The following KCNK13 variants were observed in gnomAD, a reference collection of about 807,000 sequenced individuals.
KCNK13 encodes potassium channel subfamily K member 13.
In KCNK13, 12 loss-of-function variants were observed where a neutral mutation model predicts 23.4. The observed-to-expected ratio is 0.51, with a 90% confidence interval of 0.33 to 0.83. The LOEUF (loss-of-function observed/expected upper bound fraction) is 0.83, where lower values mean the gene tolerates loss of function less well. Ranked by LOEUF, KCNK13 falls within the 40% of genes least tolerant of loss-of-function variation. KCNK13 has a pLI of 0.02. For missense variants in KCNK13, 463 were observed against 556.3 expected (o/e 0.83, Z 1.69); for synonymous variants, 231 against 229.5 (o/e 1.01, Z -0.06).
At position 90,143,853 on chromosome 14, in the gene KCNK13, G is replaced by A. The variant is rs146292632; in HGVS notation, c.335-40258G>A. 2.7e-3 allele frequency among the ~76,000 whole-genome samples: 412 copies of A among 152,264 alleles called. 4 individuals carry two copies. The highest frequency in any genetic ancestry group is 9.2e-3 in the African/African-American group (383 of 41,556). The stretch of plus-strand genomic sequence containing the variant: ...TTGAACATAATTTTGACAGTTGGCC[G>A]CCTGCAACTGACTGACACTAGACTG... On this transcript the variant is annotated intron_variant, in intron 1 of 1. Coordinates refer to ENST00000282146, the MANE Select transcript of KCNK13 (RefSeq NM_022054.4).
intron 1 of KCNK13, among the ~76,000 whole-genome samples, chr14:90,113,751 G>A (rs1889642145): frequency 6.6e-6 from 1 of 152,090 alleles, no homozygotes; most frequent in Non-Finnish European, 1.5e-5. Context: ...TGAACAACAT[G>A]GTGAAACCCT....
intron 1 of KCNK13, among the ~76,000 whole-genome samples, chr14:90,151,415 T>C (rs531734844): frequency 4.9e-4 from 74 of 152,320 alleles, no homozygotes; most frequent in African/African-American, 1.7e-3. Flanking sequence ...CATGTAACTC[T>C]TGGTGATTTC....
At chr14:90,162,248 G>T (rs958832480) in intron 1 of KCNK13, among the ~76,000 whole-genome samples, 1 of 152,118 alleles carries the variant, frequency 6.6e-6, no homozygotes, top group Non-Finnish European at 1.5e-5. Context: ...CCCAGCATAG[G>T]CAATGGATCA....
chr14:90,161,337 C>T (rs1270161789), intron 1 of KCNK13, among the ~76,000 whole-genome samples: 3 of 152,154 alleles, frequency 2.0e-5, no homozygotes, highest in African/African-American at 7.2e-5. Context: ...CACAGAGACT[C>T]TGGGATAATG....
chr14:90,147,452 C>A (rs936291844), intron 1 of KCNK13, among the ~76,000 whole-genome samples: 4 of 151,886 alleles, frequency 2.6e-5, no homozygotes, highest in African/African-American at 7.3e-5. Flanking sequence ...TCTTTCCCTC[C>A]TGGTTTGTGA....
chr14:90,142,144 C>T (rs1463919375), intron 1 of KCNK13, among the ~76,000 whole-genome samples: 1 of 151,926 alleles, frequency 6.6e-6, no homozygotes, highest in African/African-American at 2.4e-5. Flanking sequence ...TAGCGATCTG[C>T]TCTCTGTCAC....
At chr14:90,063,878 G>A (rs1458048993) in intron 1 of KCNK13, among the ~76,000 whole-genome samples, 2 of 152,170 alleles carry the variant, frequency 1.3e-5, no homozygotes, top group African/African-American at 2.4e-5. Context: ...GTATGATTAG[G>A]GACACACCGG....
At chr14:90,139,792 T>G (rs111792655) in intron 1 of KCNK13, among the ~76,000 whole-genome samples, 24,553 of 151,756 alleles carry the variant, frequency 0.16, 2,258 homozygotes, top group South Asian at 0.29. Context: ...CAAAATCCCA[T>G]CTCCACTAAA....
intron 1 of KCNK13, among the ~76,000 whole-genome samples, chr14:90,091,163 T>TA (rs1172158886): frequency 6.6e-6 from 1 of 152,280 alleles, no homozygotes; most frequent in South Asian, 2.1e-4. Flanking sequence ...AAGAAAGAGT[T>TA]AGAGGGCCCC....
At chr14:90,142,349 CG>C (rs1370270841) in intron 1 of KCNK13, among the ~76,000 whole-genome samples, 1 of 108,106 alleles carries the variant, frequency 9.3e-6, no homozygotes, top group African/African-American at 3.7e-5. Context: ...GACGGAGTCT[CG>C]GTCTGTCACC....
chr14:90,093,001 C>G (rs1021230112), intron 1 of KCNK13, among the ~76,000 whole-genome samples: 1 of 150,990 alleles, frequency 6.6e-6, no homozygotes, highest in South Asian at 2.1e-4. Flanking sequence ...CCTTAATTTG[C>G]GCTGGGTGCT....
At chr14:90,063,485 A>C (rs948829542) in intron 1 of KCNK13, among the ~76,000 whole-genome samples, 2 of 152,154 alleles carry the variant, frequency 1.3e-5, no homozygotes, top group Non-Finnish European at 2.9e-5. Flanking sequence ...GGGTTAGGGA[A>C]GATGCTGTAG....
In KCNK13 at chr14:90,129,319, C is replaced by T. The variant is rs75053507; in HGVS notation, c.335-54792C>T. Among the ~76,000 whole-genome samples, 1,028 of 152,224 alleles carry T rather than the reference C, an allele frequency of 6.8e-3. 14 individuals carry two copies. Among genetic ancestry groups the T allele is most frequent in the African/African-American group, 0.024 (995 of 41,542 alleles). On this transcript the variant is annotated intron_variant, in intron 1 of 1. Coordinates refer to ENST00000282146, the MANE Select transcript of KCNK13 (RefSeq NM_022054.4). ...TGTGATCAATGGCATAGTGAACACTCTTGGCAGATGTCTCCTAGAGGCACA... is the reference window on the plus strand; with the variant it reads ...TGTGATCAATGGCATAGTGAACACTTTTGGCAGATGTCTCCTAGAGGCACA...
At chr14:90,107,947 G>C (rs910838765) in intron 1 of KCNK13, 5 of 740,358 alleles carry the variant, frequency 6.8e-6, no homozygotes, top group African/African-American at 5.2e-5. Flanking sequence ...CTATGCAATA[G>C]AGTGGGGAAC....
chr14:90,182,402 C>T (rs994069841), intron 1 of KCNK13, among the ~76,000 whole-genome samples: 23 of 152,096 alleles, frequency 1.5e-4, no homozygotes, highest in African/African-American at 5.6e-4. Flanking sequence ...AGCCGTTGAC[C>T]GAGCTGTAGC....
intron 1 of KCNK13, among the ~76,000 whole-genome samples, chr14:90,078,574 AAG>A (rs537271592): frequency 1.8e-4 from 27 of 150,044 alleles, no homozygotes; most frequent in Middle Eastern, 3.4e-3. Context: ...AGAAGGAAGG[AAG>A]AGAGAGAGAG....
intron 1 of KCNK13, among the ~76,000 whole-genome samples, chr14:90,152,076 C>T (rs1223215922): frequency 1.3e-5 from 2 of 152,160 alleles, no homozygotes; most frequent in Non-Finnish European, 2.9e-5. Context: ...AATTGTAACA[C>T]CCATAATCCT....
chr14:90,107,266 T>A (rs1889555645), intron 1 of KCNK13, among the ~76,000 whole-genome samples: 1 of 151,906 alleles, frequency 6.6e-6, no homozygotes, highest in South Asian at 2.1e-4. Flanking sequence ...GATCACGAGG[T>A]CAGGAGATTG....
chr14:90,092,773 C>A (rs549494786), intron 1 of KCNK13, among the ~76,000 whole-genome samples: 4 of 151,814 alleles, frequency 2.6e-5, no homozygotes. Context: ...ATTAGCTGGG[C>A]CTGATGGTGC....
Sources: allele counts gnomAD v4.1 joint callset (sites outside exome capture counted in the v4.1 genomes callset), GRCh38; gene constraint gnomAD v4.1.1; transcripts MANE v1.5; gene names NCBI Gene and HGNC (gene_info 2026-07-23, HGNC 2026-07-21).